The following SH3RF3 variants were observed in gnomAD, a reference collection of about 807,000 sequenced individuals.
SH3RF3 encodes the protein E3 ubiquitin-protein ligase SH3RF3.
SH3RF3 carries 29 observed loss-of-function variants against 66.3 expected under a neutral mutation model. The ratio of observed to expected loss-of-function variants is 0.44; its 90% CI spans 0.33 to 0.60. The LOEUF (loss-of-function observed/expected upper bound fraction) is 0.60, where lower values mean the gene tolerates loss of function less well. Among genes scored for constraint, SH3RF3 ranks in the 20% least tolerant of loss-of-function variants. SH3RF3 has a pLI of 0.04. For missense variants in SH3RF3, 1,194 were observed against 1,190.9 expected, an observed-to-expected ratio of 1.00 and a Z score of -0.04; for synonymous variants, 583 against 532.0, an observed-to-expected ratio of 1.10 and a Z score of -1.32.
chr2:109,241,001 C>A (rs1418715501), intron 1 of SH3RF3, among the ~76,000 whole-genome samples: 1 of 152,140 alleles, frequency 6.6e-6, no homozygotes, highest in Non-Finnish European at 1.5e-5. Flanking sequence ...AACTCCATGC[C>A]TCCCTTTTGG....
At chr2:109,236,657 T>C (rs1016574774) in intron 1 of SH3RF3, among the ~76,000 whole-genome samples, 7 of 152,154 alleles carry the variant, frequency 4.6e-5, no homozygotes, top group South Asian at 2.1e-4. Context: ...ATGGGGAGAT[T>C]AAAGACGCCT....
At chr2:109,160,868 G>A (rs4676068) in intron 1 of SH3RF3, among the ~76,000 whole-genome samples, 123,619 of 152,140 alleles carry the variant, frequency 0.81, 50,402 homozygotes, top group East Asian at 0.89. Context: ...GAGGCTGCAA[G>A]GCTGCAGGTG....
At chr2:109,429,858 C>T (rs1413935973) in intron 5 of SH3RF3, among the ~76,000 whole-genome samples, 2 of 152,198 alleles carry the variant, frequency 1.3e-5, no homozygotes, top group Non-Finnish European at 2.9e-5. Flanking sequence ...TGCTCCCAGG[C>T]CACCAAGCTC....
At chr2:109,432,374 C>T (rs1026586161) in intron 5 of SH3RF3, 127 bp from the exon 6 acceptor site, 2 of 1,188,952 alleles carry the variant, frequency 1.7e-6, no homozygotes, top group African/African-American at 3.0e-5. Flanking sequence ...ACTGCAGAGC[C>T]CCCATAGACT....
intron 8 of SH3RF3, among the ~76,000 whole-genome samples, chr2:109,465,428 C>G (rs1678315401): frequency 6.6e-6 from 1 of 152,162 alleles, no homozygotes; most frequent in African/African-American, 2.4e-5. Flanking sequence ...GTGGCTGCAC[C>G]ATTTTGCTTT....
At chr2:109,262,189 A>G (rs1680374031) in intron 1 of SH3RF3, among the ~76,000 whole-genome samples, 1 of 152,214 alleles carries the variant, frequency 6.6e-6, no homozygotes, top group Non-Finnish European at 1.5e-5. Flanking sequence ...GTATTTGTCT[A>G]ACAGTCTTAT....
chr2:109,231,278 T>C (rs1679508706), intron 1 of SH3RF3, among the ~76,000 whole-genome samples: 1 of 152,210 alleles, frequency 6.6e-6, no homozygotes, highest in Non-Finnish European at 1.5e-5. Context: ...TGAGAGGAAT[T>C]GGTGGGTGGA....
At position 109,184,035 on chromosome 2, in the gene SH3RF3, T is replaced by C. The variant is rs115940792; in HGVS notation, c.573+53922T>C. On this transcript the variant is annotated intron_variant, in intron 1 of 9. Coordinates refer to ENST00000309415, the MANE Select transcript of SH3RF3 (RefSeq NM_001099289.3). ...GTTGAGTGACACGGTGTGTGTTGAG[T>C]GCTAGGTGCTGTCCAGGGTATCACG... 2.3e-3 allele frequency among the ~76,000 whole-genome samples: 351 copies of C among 152,288 alleles called. 1 individual carries two copies. Among genetic ancestry groups the C allele is most frequent in the African/African-American group, 8.0e-3 (334 of 41,552 alleles).
chr2:109,386,743 A>G (rs758138341), intron 3 of SH3RF3, among the ~76,000 whole-genome samples: 6 of 152,226 alleles, frequency 3.9e-5, no homozygotes, highest in Non-Finnish European at 7.3e-5. Context: ...CTAGGGCTGG[A>G]AACAAAACTG....
At chr2:109,243,994 A>G (rs1275176786) in intron 1 of SH3RF3, among the ~76,000 whole-genome samples, 1 of 152,216 alleles carries the variant, frequency 6.6e-6, no homozygotes, top group African/African-American at 2.4e-5. Context: ...TCATGTGCTC[A>G]TAGGTGAAGT....
At chr2:109,213,467 T>C (rs984536978) in intron 1 of SH3RF3, among the ~76,000 whole-genome samples, 1 of 152,182 alleles carries the variant, frequency 6.6e-6, no homozygotes, top group East Asian at 1.9e-4. Context: ...TATATCTCAC[T>C]GGTGAGGACG....
At chr2:109,468,759 C>G (rs898659846) in intron 8 of SH3RF3, among the ~76,000 whole-genome samples, 18 of 147,260 alleles carry the variant, frequency 1.2e-4, no homozygotes, top group Non-Finnish European at 2.2e-4. Context: ...GAGGCTGAGG[C>G]AGGTTAATCG....
intron 8 of SH3RF3, among the ~76,000 whole-genome samples, chr2:109,472,901 T>C (rs1448219939): frequency 6.6e-6 from 1 of 152,202 alleles, no homozygotes; most frequent in East Asian, 1.9e-4. Flanking sequence ...CAGCCTCTTA[T>C]TTCTGTCTGT....
At chr2:109,462,966 C>T (rs1678244604) in intron 8 of SH3RF3, among the ~76,000 whole-genome samples, 1 of 152,212 alleles carries the variant, frequency 6.6e-6, no homozygotes, top group African/African-American at 2.4e-5. Context: ...CCCTAATGCG[C>T]AGTCACCCTG....
rs1558938340 is a variant in SH3RF3 at position 109,170,307 on chromosome 2, CTCTT to C, written c.573+40195_573+40198del. Among the ~76,000 whole-genome samples the C allele has an allele frequency of 8.9e-4, 119 of 134,156 alleles. 4 individuals carry two copies. The East Asian group carries it at 9.1e-3, about 10-fold the overall frequency. 88.0% of individuals were successfully genotyped at this position (134,156 alleles called of 152,430 possible). A position where few individuals can be genotyped will look rare whatever the true frequency, so the allele number is the denominator to read the frequency against. On this transcript the variant is annotated intron_variant, in intron 1 of 9. Transcript: ENST00000309415. Reference sequence around the variant, plus strand: ...CTCTTCTCTTCTCTTCTCTTCTCTTCTCTTCTCTCCTCTCTCTCTCTCCTCTCTC... The same window carrying C: ...CTCTTCTCTTCTCTTCTCTTCTCTTCCTCTCCTCTCTCTCTCTCCTCTCTC...
chr2:109,435,353 A>G (rs1236599084), intron 6 of SH3RF3, among the ~76,000 whole-genome samples: 1 of 152,232 alleles, frequency 6.6e-6, no homozygotes, highest in Admixed American at 6.5e-5. Context: ...TACTGGGTTC[A>G]GGACAATTGC....
At chr2:109,356,840 G>A (rs534086257) in intron 2 of SH3RF3, among the ~76,000 whole-genome samples, 1 of 152,236 alleles carries the variant, frequency 6.6e-6, no homozygotes, top group African/African-American at 2.4e-5. Context: ...TGGTAATGAT[G>A]TCAAAGCTTA....
intron 3 of SH3RF3, among the ~76,000 whole-genome samples, chr2:109,374,728 C>T (rs1382928473): frequency 1.3e-5 from 2 of 152,230 alleles, no homozygotes; most frequent in African/African-American, 2.4e-5. Flanking sequence ...ATGAAGGTCT[C>T]CTCCACAGCC....
In SH3RF3 at chr2:109,177,619, A is replaced by AGGTGAG. The variant is rs1472297540; in HGVS notation, c.573+47521_573+47526dup. 2.6e-5 allele frequency among the ~76,000 whole-genome samples: 4 copies of AGGTGAG among 152,146 alleles called. No individual in the cohort carries two copies. The South Asian group carries it at 6.2e-4, about 24-fold the overall frequency. Reference sequence around the variant, plus strand: ...GAAAGAACAAGGCCACAGGGTGTTGAGGTGAGGGTGAGGGTGAGGGGAGAG... The same window carrying AGGTGAG: ...GAAAGAACAAGGCCACAGGGTGTTGAGGTGAGGGTGAGGGTGAGGGTGAGGGGAGAG... On this transcript the variant is annotated intron_variant, in intron 1 of 9. Transcript: ENST00000309415.
Sources: allele counts gnomAD v4.1 joint callset (sites outside exome capture counted in the v4.1 genomes callset), GRCh38; gene constraint gnomAD v4.1.1; transcripts MANE v1.5; gene names NCBI Gene and HGNC (gene_info 2026-07-23, HGNC 2026-07-21).